The following MAML2 variants were observed in gnomAD, a reference collection of about 807,000 sequenced individuals.
MAML2 encodes mastermind like transcriptional coactivator 2.
Under a neutral mutation model 96.1 loss-of-function variants are expected in MAML2, and 22 were observed. That is an observed-to-expected ratio of 0.23 (90% CI 0.16 to 0.33). The LOEUF is 0.33. Among genes scored for constraint, MAML2 ranks in the 10% least tolerant of loss-of-function variants. MAML2 has a pLI of 1.00. For missense variants in MAML2, 1,367 were observed against 1,392.4 expected (o/e 0.98, Z 0.29); for synonymous variants, 561 against 521.3 (o/e 1.08, Z -1.04).
At chr11:96,299,060 A>AAATAT (rs55878534) in intron 1 of MAML2, among the ~76,000 whole-genome samples, 31 of 56,338 alleles carry the variant, frequency 5.5e-4, no homozygotes, top group African/African-American at 2.8e-3. Flanking sequence ...AAAAAAAAAA[A>AAATAT]ATATATATAT....
chr11:96,166,000 A>G (rs1861182272), intron 1 of MAML2, among the ~76,000 whole-genome samples: 1 of 152,188 alleles, frequency 6.6e-6, no homozygotes, highest in South Asian at 2.1e-4. Flanking sequence ...CATCTTATGG[A>G]CAGACTAATG....
At chr11:96,088,824 A>T (rs375016646) in intron 2 of MAML2, among the ~76,000 whole-genome samples, 20 of 152,152 alleles carry the variant, frequency 1.3e-4, no homozygotes, top group South Asian at 4.1e-4. Context: ...GGGCACAGGA[A>T]TTGCCCACAT....
chr11:96,085,158 G>C (rs1426720996), intron 2 of MAML2, among the ~76,000 whole-genome samples: 2 of 120,198 alleles, frequency 1.7e-5, no homozygotes, highest in African/African-American at 3.5e-5. Context: ...GAGCTGCCTA[G>C]GCTATGCGTA....
chr11:96,006,152 CAAAGCAAGCCACT>C (rs1234044711), intron 2 of MAML2, among the ~76,000 whole-genome samples: 1 of 152,088 alleles, frequency 6.6e-6, no homozygotes, highest in Non-Finnish European at 1.5e-5. Flanking sequence ...CTTGGATTAG[CAAAGCAAGCCACT>C]AAATACTTCA....
At chr11:96,155,384 T>A (rs1036042802) in intron 1 of MAML2, among the ~76,000 whole-genome samples, 1 of 151,390 alleles carries the variant, frequency 6.6e-6, no homozygotes, top group Non-Finnish European at 1.5e-5. Flanking sequence ...TTCTTGCTGA[T>A]CACATTCCTT....
intron 2 of MAML2, among the ~76,000 whole-genome samples, chr11:96,040,393 C>T (rs1858789055): frequency 6.6e-6 from 1 of 152,152 alleles, no homozygotes; most frequent in African/African-American, 2.4e-5. Flanking sequence ...CATTAATGTA[C>T]AACTCTGAGT....
At chr11:96,230,967 T>A (rs1490646535) in intron 1 of MAML2, among the ~76,000 whole-genome samples, 2 of 152,246 alleles carry the variant, frequency 1.3e-5, no homozygotes, top group African/African-American at 4.8e-5. Context: ...CCATGTTTAG[T>A]AAATCAGGAA....
chr11:96,174,957 T>G (rs975699599), intron 1 of MAML2, among the ~76,000 whole-genome samples: 10 of 152,224 alleles, frequency 6.6e-5, no homozygotes, highest in Non-Finnish European at 1.0e-4. Context: ...AGGCATTGTT[T>G]TATAATCGCC....
At chr11:96,279,320 T>C (rs918864916) in intron 1 of MAML2, among the ~76,000 whole-genome samples, 1 of 152,168 alleles carries the variant, frequency 6.6e-6, no homozygotes, top group Non-Finnish European at 1.5e-5. Context: ...AATAATATTT[T>C]CGTTATAAGG....
chr11:96,072,709 T>C (rs1271842101), intron 2 of MAML2, among the ~76,000 whole-genome samples: 1 of 152,292 alleles, frequency 6.6e-6, no homozygotes, highest in African/African-American at 2.4e-5. Flanking sequence ...TAAGGACGGA[T>C]TGATTACAAA....
chr11:96,224,721 C>T (rs1463296641), intron 1 of MAML2, among the ~76,000 whole-genome samples: 1 of 152,182 alleles, frequency 6.6e-6, no homozygotes, highest in Non-Finnish European at 1.5e-5. Flanking sequence ...ATCCCCTTCC[C>T]AGAGCACATG....
chr11:95,997,771 T>C (rs1404537409), intron 2 of MAML2, among the ~76,000 whole-genome samples: 2 of 152,198 alleles, frequency 1.3e-5, no homozygotes, highest in Non-Finnish European at 2.9e-5. Flanking sequence ...TAAGGCCCAC[T>C]GGTGAGCATC....
chr11:96,177,173 G>A (rs1171703646), intron 1 of MAML2, among the ~76,000 whole-genome samples: 2 of 152,202 alleles, frequency 1.3e-5, no homozygotes, highest in African/African-American at 4.8e-5. Context: ...TAAAAGTGAA[G>A]TCACCCCCAA....
intron 2 of MAML2, among the ~76,000 whole-genome samples, chr11:96,066,609 T>C (rs1023628622): frequency 1.2e-4 from 18 of 152,192 alleles, no homozygotes; most frequent in African/African-American, 4.3e-4. Context: ...CCCATAGGAA[T>C]GAATTATAAT....
chr11:96,233,427 TAC>T (rs1862324219), intron 1 of MAML2, among the ~76,000 whole-genome samples: 1 of 151,410 alleles, frequency 6.6e-6, no homozygotes, highest in South Asian at 2.1e-4. Flanking sequence ...TAATTTAAGA[TAC>T]AGTGTCTTAC....
Position 96,064,053 on chromosome 11 carries a change from G to A in MAML2, c.2139+27839C>T, listed in dbSNP as rs189683377. On this transcript the variant is annotated intron_variant, in intron 2 of 4. Coordinates refer to ENST00000524717, the MANE Select transcript of MAML2 (RefSeq NM_032427.4). ...GATTGGCTGGCTGTAGGATGTTGTT[G>A]TACAGTGCCTTCTAACTCTATTTTC... Among the ~76,000 whole-genome samples the A allele has an allele frequency of 3.3e-5, 5 of 152,252 alleles. No homozygotes were observed. In the East Asian group the frequency reaches 9.6e-4, roughly 29 times the overall value.
chr11:96,038,570 A>G (rs1476318428), intron 2 of MAML2, among the ~76,000 whole-genome samples: 3 of 152,254 alleles, frequency 2.0e-5, no homozygotes, highest in African/African-American at 4.8e-5. Flanking sequence ...ATTCACAGCA[A>G]GAGACCCATA....
At chr11:96,179,202 G>T (rs1861444335) in intron 1 of MAML2, among the ~76,000 whole-genome samples, 1 of 152,068 alleles carries the variant, frequency 6.6e-6, no homozygotes, top group South Asian at 2.1e-4. Flanking sequence ...GTTCACCCCG[G>T]CTCATTATAA....
At chr11:96,299,054 A>ATAT (rs1484860694) in intron 1 of MAML2, among the ~76,000 whole-genome samples, 19 of 36,190 alleles carry the variant, frequency 5.3e-4, no homozygotes, top group South Asian at 1.1e-3. Flanking sequence ...CAAAAAAAAA[A>ATAT]AAAAAAATAT....
Sources: gnomAD v4.1 joint callset for allele counts (sites outside exome capture counted in the v4.1 genomes callset) on GRCh38, gnomAD v4.1.1 for gene constraint, MANE v1.5 for transcripts, NCBI Gene and HGNC (gene_info 2026-07-23, HGNC 2026-07-21) for gene names.